LRRFIP2: variants seen among roughly 807,000 people sequenced by gnomAD.
LRRFIP2 encodes the protein leucine-rich repeat flightless-interacting protein 2.
In LRRFIP2, 109 loss-of-function variants were observed where a neutral mutation model predicts 125.9. That is an observed-to-expected ratio of 0.87 (90% CI 0.74 to 1.01). The LOEUF (loss-of-function observed/expected upper bound fraction) is 1.01. Ranked by LOEUF, LRRFIP2 falls within the 50% of genes least tolerant of loss-of-function variation. The pLI, the probability that LRRFIP2 is intolerant of heterozygous loss-of-function variation, is 0.00. For missense variants in LRRFIP2, 850 were observed against 862.3 expected (o/e 0.99, Z 0.18); for synonymous variants, 291 against 293.1 (o/e 0.99, Z 0.07).
At chr3:37,141,379 T>C (rs938824298) in intron 2 of LRRFIP2, among the ~76,000 whole-genome samples, 1 of 152,174 alleles carries the variant, frequency 6.6e-6, no homozygotes, top group Non-Finnish European at 1.5e-5. Context: ...TCCCATTCCC[T>C]AGCCCCTCTC....
At chr3:37,062,269 AT>A (rs909638541) in intron 24 of LRRFIP2, among the ~76,000 whole-genome samples, 6 of 151,290 alleles carry the variant, frequency 4.0e-5, no homozygotes, top group East Asian at 1.9e-4. Context: ...TCAGGCAGGA[AT>A]TTTTTTTTTC....
chr3:37,058,699 G>T, intron 25 of LRRFIP2, 91 bp downstream of exon 25: 77 of 1,204,522 alleles, frequency 6.4e-5, no homozygotes, highest in Middle Eastern at 2.1e-4. Flanking sequence ...AAAGAAAAGT[G>T]TATTACAAGA....
intron 15 of LRRFIP2, among the ~76,000 whole-genome samples, chr3:37,097,145 T>A (rs1204579424): frequency 6.6e-6 from 1 of 151,744 alleles, no homozygotes; most frequent in Non-Finnish European, 1.5e-5. Flanking sequence ...ACCAAAATAT[T>A]TTCCCCCACA....
chr3:37,105,851 G>C (rs1158750596), intron 13 of LRRFIP2, among the ~76,000 whole-genome samples: 1 of 152,148 alleles, frequency 6.6e-6, no homozygotes, highest in Non-Finnish European at 1.5e-5. Flanking sequence ...GATTGCTTGA[G>C]GTCAGGAGTT....
intron 19 of LRRFIP2, among the ~76,000 whole-genome samples, chr3:37,078,286 T>A (rs1163781088): frequency 1.3e-5 from 2 of 152,168 alleles, no homozygotes; most frequent in African/African-American, 4.8e-5. Flanking sequence ...AAGTAACTTC[T>A]AAAAACAATA....
intron 25 of LRRFIP2, among the ~76,000 whole-genome samples, chr3:37,055,541 G>A (rs2086584661): frequency 6.6e-6 from 1 of 152,028 alleles, no homozygotes; most frequent in Non-Finnish European, 1.5e-5. Flanking sequence ...ACTCCAGCCT[G>A]GCAACAGAGC....
intron 24 of LRRFIP2, among the ~76,000 whole-genome samples, chr3:37,059,549 G>T (rs1231360376): frequency 6.6e-6 from 1 of 152,152 alleles, no homozygotes. Flanking sequence ...AGCACTTTGG[G>T]AAGCTGAGGC....
rs778969325 is a variant in LRRFIP2 at position 37,058,829 on chromosome 3, G to C, written c.1831C>G (p.Leu611Val). The change falls in exon 25 of 28, where the codon CTG becomes GTG. Residue 611 changes from leucine (L) to valine (V), a missense_variant. Physicochemically the swap from Leu to Val is conservative, Grantham distance 32. Transcript: ENST00000336686. ...NDGTVGDLAG[L>V]QNGSDLQFIE... ...AACTGCAAGTCTGAGCCATTCTGCA[G>C]TCCTGCCAGGTCACCCACTGTGCCA... The C allele has an allele frequency of 6.2e-7, 1 of 1,614,122 alleles. No individual in the cohort carries two copies. The highest frequency in any genetic ancestry group is 8.5e-7 in the Non-Finnish European group (1 of 1,179,998).
chr3:37,148,052 C>T (rs1344359176), intron 2 of LRRFIP2, among the ~76,000 whole-genome samples: 2 of 152,124 alleles, frequency 1.3e-5, no homozygotes, highest in Admixed American at 1.3e-4. Flanking sequence ...TTGTTTCCAT[C>T]AACATTTACA....
rs377436367 is a variant in LRRFIP2 at position 37,096,678 on chromosome 3, T to A, written c.874-18A>T. Reference sequence around the variant, plus strand: ...TCATCCAACTAGAAAAGAACAAAGATAAAAATCAGTAAAGATGCTTAGCAA... The same window carrying A: ...TCATCCAACTAGAAAAGAACAAAGAAAAAAATCAGTAAAGATGCTTAGCAA... On this transcript the variant is annotated intron_variant, in intron 15 of 27. Transcript: ENST00000336686. 2 of 1,483,648 alleles carry A rather than the reference T, an allele frequency of 1.3e-6. No individual in the cohort carries two copies. Among genetic ancestry groups the A allele is most frequent in the African/African-American group, 2.8e-5 (2 of 70,798 alleles). The allele number at this position is 1,483,648 out of a possible 1,614,324, so 91.9% of individuals were successfully genotyped here.
At position 37,119,909 on chromosome 3, in the gene LRRFIP2, G is replaced by A. The variant is rs528660778; in HGVS notation, c.330+1583C>T. On this transcript the variant is annotated intron_variant, in intron 6 of 27. Coordinates refer to ENST00000336686, the MANE Select transcript of LRRFIP2 (RefSeq NM_006309.4). ...ACTCTGAACCTCAGGTGATCTGCTC[G>A]CCTCAGTGTCCCAAAGTGCTGGGAT... is the stretch of plus-strand genomic sequence containing the variant. 3.9e-5 allele frequency among the ~76,000 whole-genome samples: 6 copies of A among 152,096 alleles called. 1 individual carries two copies. The highest frequency in any genetic ancestry group is 2.0e-4 in the Admixed American group (3 of 15,272).
At chr3:37,152,550 T>C (rs574541508) in intron 1 of LRRFIP2, among the ~76,000 whole-genome samples, 1 of 152,142 alleles carries the variant, frequency 6.6e-6, no homozygotes, top group Non-Finnish European at 1.5e-5. Context: ...TTCAAGTGAT[T>C]CTCCTGTCTC....
intron 1 of LRRFIP2, among the ~76,000 whole-genome samples, chr3:37,153,321 G>A (rs895429685): frequency 1.3e-5 from 2 of 152,050 alleles, no homozygotes; most frequent in Non-Finnish European, 2.9e-5. Flanking sequence ...ACCCTGGGAG[G>A]TCAACGCTGC....
chr3:37,143,574 CT>C, intron 2 of LRRFIP2: 1 of 244,790 alleles, frequency 4.1e-6, no homozygotes, highest in Non-Finnish European at 8.7e-6. Flanking sequence ...TGTTCTGCAG[CT>C]TCAACATTCA....
At chr3:37,056,041 T>C (rs1226106406) in intron 25 of LRRFIP2, among the ~76,000 whole-genome samples, 1 of 152,000 alleles carries the variant, frequency 6.6e-6, no homozygotes, top group Non-Finnish European at 1.5e-5. Flanking sequence ...TTAAACATCG[T>C]ATGTGTAAGC....
intron 2 of LRRFIP2, among the ~76,000 whole-genome samples, chr3:37,147,629 T>C (rs2095890304): frequency 6.6e-6 from 1 of 152,188 alleles, no homozygotes; most frequent in African/African-American, 2.4e-5. Flanking sequence ...CAAAAAAGTG[T>C]GTAATGTGTC....
intron 19 of LRRFIP2, among the ~76,000 whole-genome samples, chr3:37,076,814 C>T (rs969557950): frequency 2.0e-5 from 3 of 151,862 alleles, no homozygotes; most frequent in Admixed American, 1.3e-4. Context: ...TGTGGTGAGC[C>T]GAGATTGCGC....
chr3:37,121,603 T>C (rs2095043030), intron 5 of LRRFIP2, 32 bp downstream of exon 5: 1 of 1,613,574 alleles, frequency 6.2e-7, no homozygotes, highest in African/African-American at 1.3e-5. Flanking sequence ...TGAGGAAAAG[T>C]ATTAGAGGCA....
chr3:37,159,183 A>C (rs2096272352), intron 1 of LRRFIP2, among the ~76,000 whole-genome samples: 1 of 152,228 alleles, frequency 6.6e-6, no homozygotes, highest in Admixed American at 6.5e-5. Context: ...ACAGGGATCC[A>C]ACTTCACACT....
Sources: allele counts gnomAD v4.1 joint callset (sites outside exome capture counted in the v4.1 genomes callset), GRCh38; gene constraint gnomAD v4.1.1; transcripts MANE v1.5; gene names NCBI Gene and HGNC (gene_info 2026-07-23, HGNC 2026-07-21).